Variants in ADGRV1 observed in about 807,000 individuals in gnomAD.
ADGRV1 encodes the protein adhesion G protein-coupled receptor V1, also known as G-protein coupled receptor 98.
Under a neutral mutation model 596.2 loss-of-function variants are expected in ADGRV1, and 359 were observed. The ratio of observed to expected loss-of-function variants is 0.60; its 90% CI spans 0.55 to 0.66. The LOEUF is 0.66. Ranked by LOEUF, ADGRV1 falls within the 30% of genes least tolerant of loss-of-function variation. The probability of loss-of-function intolerance (pLI) is 0.00; values close to 1 mark genes in which losing one functional copy is unlikely to be tolerated. For synonymous variants in ADGRV1, 2,681 were observed against 2,679.2 expected (o/e 1.00, Z -0.02); for missense variants, 7,274 against 7,575.6 (o/e 0.96, Z 1.48).
chr5:91,112,565 A>C (rs1422101911), intron 87 of ADGRV1, among the ~76,000 whole-genome samples: 3 of 152,020 alleles, frequency 2.0e-5, no homozygotes, highest in African/African-American at 7.2e-5. Flanking sequence ...GACATTTGGG[A>C]CTCGTTTTTA....
intron 1 of ADGRV1, among the ~76,000 whole-genome samples, chr5:90,595,370 G>A (rs1209614614): frequency 4.7e-5 from 2 of 43,004 alleles, no homozygotes; most frequent in East Asian, 7.0e-4. Flanking sequence ...CGGACGGGGC[G>A]GCTGGCCGGG....
intron 85 of ADGRV1, among the ~76,000 whole-genome samples, chr5:90,995,034 C>G (rs949795872): frequency 6.6e-6 from 1 of 152,188 alleles, no homozygotes; most frequent in African/African-American, 2.4e-5. Flanking sequence ...TGAACATGAG[C>G]AAAGCCTCAA....
intron 82 of ADGRV1, among the ~76,000 whole-genome samples, chr5:90,858,522 A>AT (rs1444846592): frequency 6.6e-6 from 1 of 151,544 alleles, no homozygotes; most frequent in African/African-American, 2.4e-5. Context: ...AAATTTTTGT[A>AT]TTTTTTATAG....
intron 87 of ADGRV1, among the ~76,000 whole-genome samples, chr5:91,145,776 A>G (rs999516780): frequency 6.6e-6 from 1 of 152,218 alleles, no homozygotes; most frequent in Non-Finnish European, 1.5e-5. Context: ...TTAACAATAC[A>G]GATTAGATGC....
intron 75 of ADGRV1, among the ~76,000 whole-genome samples, chr5:90,817,901 T>C (rs1282200701): frequency 6.6e-6 from 1 of 152,214 alleles, no homozygotes; most frequent in East Asian, 1.9e-4. Flanking sequence ...ATGCAGGCTC[T>C]TTTTTGGTTC....
At chr5:91,031,297 A>T (rs551954251) in intron 85 of ADGRV1, 2 of 1,490,762 alleles carry the variant, frequency 1.3e-6, no homozygotes, top group African/African-American at 1.4e-5. Flanking sequence ...ATTGATTTCA[A>T]ACATAGTAAA....
intron 83 of ADGRV1, among the ~76,000 whole-genome samples, chr5:90,924,010 T>C (rs1264610924): frequency 6.6e-6 from 1 of 151,788 alleles, no homozygotes; most frequent in African/African-American, 2.4e-5. Flanking sequence ...TGTGCCACAT[T>C]TTCTTAATCC....
At chr5:91,111,625 C>T (rs1347119678) in intron 87 of ADGRV1, among the ~76,000 whole-genome samples, 1 of 152,188 alleles carries the variant, frequency 6.6e-6, no homozygotes, top group Non-Finnish European at 1.5e-5. Flanking sequence ...AAGGCACTCC[C>T]TTTGCAGTTG....
chr5:90,816,552 C>A (rs1413966637), intron 75 of ADGRV1, among the ~76,000 whole-genome samples: 1 of 146,918 alleles, frequency 6.8e-6, no homozygotes, highest in African/African-American at 2.5e-5. Flanking sequence ...CTAATGCTAT[C>A]CTTCCCCCCT....
At chr5:90,626,760 T>G (rs1764817827) in intron 6 of ADGRV1, among the ~76,000 whole-genome samples, 1 of 152,212 alleles carries the variant, frequency 6.6e-6, no homozygotes, top group South Asian at 2.1e-4. Context: ...TTAACAACCA[T>G]TTGGAGAAAA....
chr5:90,971,176 G>C (rs1778939734), intron 84 of ADGRV1, among the ~76,000 whole-genome samples: 1 of 151,976 alleles, frequency 6.6e-6, no homozygotes, highest in Admixed American at 6.6e-5. Flanking sequence ...AAGAAACAAA[G>C]ACTCCAAGAA....
At chr5:90,620,447 A>G (rs1417958483) in intron 4 of ADGRV1, among the ~76,000 whole-genome samples, 23 of 150,920 alleles carry the variant, frequency 1.5e-4, no homozygotes, top group Non-Finnish European at 8.9e-5. Context: ...TTGATGGAGT[A>G]TTTTTTTTCT....
chr5:90,710,573 T>C (rs1464552819), intron 39 of ADGRV1, among the ~76,000 whole-genome samples: 2 of 152,178 alleles, frequency 1.3e-5, no homozygotes, highest in East Asian at 3.8e-4. Flanking sequence ...GTACCTTTCC[T>C]TGCACTTCTT....
intron 86 of ADGRV1, among the ~76,000 whole-genome samples, chr5:91,074,973 CAT>C (rs1788719112): frequency 1.3e-5 from 2 of 152,052 alleles, no homozygotes; most frequent in East Asian, 1.9e-4. Context: ...CTTCATGGCA[CAT>C]ATGTCTTCTT....
intron 83 of ADGRV1, among the ~76,000 whole-genome samples, chr5:90,880,237 GA>G (rs1769627753): frequency 6.6e-6 from 1 of 152,106 alleles, no homozygotes; most frequent in African/African-American, 2.4e-5. Flanking sequence ...ATGTGTGTCT[GA>G]TTCTCTTTTA....
chr5:90,638,044 T>TA (rs200404754), intron 11 of ADGRV1, 96 bp downstream of exon 11: 3,692 of 737,334 alleles, frequency 5.0e-3, no homozygotes, highest in South Asian at 6.7e-3. Flanking sequence ...CTATATAAAG[T>TA]AAAAAAAAAA....
chr5:90,766,653 G>A (rs1757179990), intron 59 of ADGRV1, among the ~76,000 whole-genome samples: 2 of 152,144 alleles, frequency 1.3e-5, no homozygotes, highest in African/African-American at 4.8e-5. Flanking sequence ...AGAAGTGAAG[G>A]CGCAAGGTCC....
rs571112113 is a variant in ADGRV1 at position 91,154,333 on chromosome 5, T to C, written c.18802+935T>C. Among the ~76,000 whole-genome samples, 563 of 152,376 alleles carry C rather than the reference T, an allele frequency of 3.7e-3. 3 individuals carry two copies. The highest frequency in any genetic ancestry group is 0.013 in the African/African-American group (539 of 41,592). On this transcript the variant is annotated intron_variant, in intron 89 of 89. Coordinates refer to ENST00000405460, the MANE Select transcript of ADGRV1 (RefSeq NM_032119.4). Reference sequence around the variant, plus strand: ...TGCATTTTACTTTCTTATAGTTTTATTGTTTGGCTATGAAGTATATTGCTT... The same window carrying C: ...TGCATTTTACTTTCTTATAGTTTTACTGTTTGGCTATGAAGTATATTGCTT...
intron 57 of ADGRV1, among the ~76,000 whole-genome samples, chr5:90,758,483 C>G (rs1756088743): frequency 6.6e-6 from 1 of 152,176 alleles, no homozygotes; most frequent in South Asian, 2.1e-4. Flanking sequence ...CAAGTTCCAT[C>G]ATTAACCAGC....
Sources: allele counts gnomAD v4.1 joint callset (sites outside exome capture counted in the v4.1 genomes callset), GRCh38; gene constraint gnomAD v4.1.1; transcripts MANE v1.5; gene names NCBI Gene and HGNC (gene_info 2026-07-23, HGNC 2026-07-21).